The following LOC400499 variants were observed in gnomAD, a reference collection of about 807,000 sequenced individuals.
the LOC400499 span, among the ~76,000 whole-genome samples, chr16:11,388,487 C>G: frequency 6.6e-6 from 1 of 152,134 alleles, no homozygotes; most frequent in Non-Finnish European, 1.5e-5. Context: ...GTGAGGCCAC[C>G]AGCATGGAAG....
the LOC400499 span, among the ~76,000 whole-genome samples, chr16:11,455,272 G>T: frequency 1.9e-4 from 29 of 152,194 alleles, no homozygotes; most frequent in East Asian, 5.6e-3. Flanking sequence ...TTTGAAAGGG[G>T]CACCAATCTA....
chr16:11,462,362 C>G, the LOC400499 span: 1 of 1,410,098 alleles, frequency 7.1e-7, no homozygotes, highest in African/African-American at 1.5e-5. Flanking sequence ...CCAGCCCTTA[C>G]CACACGAACT....
chr16:11,526,399 T>C, the LOC400499 span, among the ~76,000 whole-genome samples: 1 of 152,156 alleles, frequency 6.6e-6, no homozygotes. Flanking sequence ...AAAATATTTT[T>C]TAAAGAAAGA....
chr16:11,507,073 C>T, the LOC400499 span, among the ~76,000 whole-genome samples: 1 of 152,070 alleles, frequency 6.6e-6, no homozygotes, highest in Non-Finnish European at 1.5e-5. Context: ...AAGTGGAGAT[C>T]GAGGCCCACA....
the LOC400499 span, chr16:11,460,165 G>A: frequency 1.8e-5 from 17 of 957,568 alleles, no homozygotes; most frequent in Admixed American, 1.9e-4. Flanking sequence ...CAGAAGAGAC[G>A]GTTCTGTAGA....
the LOC400499 span, among the ~76,000 whole-genome samples, chr16:11,463,873 A>T: frequency 6.6e-6 from 1 of 152,128 alleles, no homozygotes; most frequent in Non-Finnish European, 1.5e-5. Context: ...ATATATACGG[A>T]TGCGTGCATA....
At chr16:11,414,256 C>T in the LOC400499 span, 1 of 398,868 alleles carries the variant, frequency 2.5e-6, no homozygotes, top group Non-Finnish European at 4.4e-6. Flanking sequence ...CCCCACCCAC[C>T]CTGCACACAG....
At chr16:11,450,750 A>G in the LOC400499 span, 1 of 1,536,178 alleles carries the variant, frequency 6.5e-7, no homozygotes, top group Non-Finnish European at 8.7e-7. Context: ...CCTGGAACAC[A>G]GCTCGGTGTG....
chr16:11,458,355 A>G, the LOC400499 span, among the ~76,000 whole-genome samples: 625 of 152,222 alleles, frequency 4.1e-3, 3 homozygotes, highest in Non-Finnish European at 6.4e-3. Context: ...CAAAAAAAAA[A>G]TTAGCCGTGT....
At chr16:11,441,651 A>C in the LOC400499 span, among the ~76,000 whole-genome samples, 3 of 152,128 alleles carry the variant, frequency 2.0e-5, no homozygotes, top group African/African-American at 7.2e-5. Flanking sequence ...GGTGGCCCTA[A>C]AGTAATCACA....
chr16:11,401,782 C>T, the LOC400499 span, among the ~76,000 whole-genome samples: 7 of 152,238 alleles, frequency 4.6e-5, no homozygotes, highest in Admixed American at 1.3e-4. Context: ...TGTGGCTTCA[C>T]GCACAGAACC....
chr16:11,398,440 A>AAG, the LOC400499 span: 1 of 1,232,280 alleles, frequency 8.1e-7, no homozygotes, highest in Non-Finnish European at 1.0e-6. Context: ...TGACGGGTAC[A>AAG]AGAGGCCCCG....
chr16:11,463,358 C>T, the LOC400499 span, among the ~76,000 whole-genome samples: 5 of 150,266 alleles, frequency 3.3e-5, no homozygotes, highest in Admixed American at 6.6e-5. Flanking sequence ...TCTCTGTCCC[C>T]GATCCCCACA....
chr16:11,473,187 A>G, the LOC400499 span: 1 of 151,732 alleles, frequency 6.6e-6, no homozygotes, highest in Non-Finnish European at 1.5e-5. Context: ...AAAATCAGAA[A>G]GCTCAGAAAG....
the LOC400499 span, chr16:11,487,399 C>A: frequency 0.36 from 143,162 of 398,596 alleles, 29,377 homozygotes; most frequent in African/African-American, 0.65. Context: ...AGGAGTAAGA[C>A]AAGAACATCA....
At chr16:11,406,014 CTT>C in the LOC400499 span, among the ~76,000 whole-genome samples, 1 of 152,142 alleles carries the variant, frequency 6.6e-6, no homozygotes, top group Non-Finnish European at 1.5e-5. Flanking sequence ...CTGGAATACT[CTT>C]TTTAAAAAAT....
chr16:11,385,337 G>A, the LOC400499 span: 1 of 1,232,266 alleles, frequency 8.1e-7, no homozygotes. Context: ...CCAGGAGGAT[G>A]CTGCCGCACT....
chr16:11,515,397 A>G, the LOC400499 span, among the ~76,000 whole-genome samples: 12 of 152,150 alleles, frequency 7.9e-5, no homozygotes, highest in Admixed American at 2.6e-4. Flanking sequence ...TGAAGGCTGC[A>G]CTGAGCCATG....
the LOC400499 span, chr16:11,475,860 G>A: frequency 1.0e-5 from 4 of 389,024 alleles, no homozygotes; most frequent in Admixed American, 1.8e-4. Flanking sequence ...CGCTGGTGTG[G>A]TGACACTCCG....
Sources: allele counts gnomAD v4.1 joint callset (sites outside exome capture counted in the v4.1 genomes callset), GRCh38; gene constraint gnomAD v4.1.1; transcripts MANE v1.5.